Variants in LYSMD1 observed in about 807,000 individuals in gnomAD.
The protein encoded by LYSMD1 is lysM and putative peptidoglycan-binding domain-containing protein 1.
In LYSMD1, 9 loss-of-function variants were observed where a neutral mutation model predicts 19.3. The observed-to-expected ratio is 0.47, with a 90% CI of 0.28 to 0.81. The LOEUF is 0.81. LYSMD1 is among the 40% of genes least tolerant of loss of function. The pLI, the probability that LYSMD1 is intolerant of heterozygous loss-of-function variation, is 0.11. For missense variants in LYSMD1, 262 were observed against 279.8 expected (o/e 0.94, Z 0.45); for synonymous variants, 111 against 111.7 (o/e 0.99, Z 0.04).
In LYSMD1 at chr1:151,160,645, A is replaced by T. The variant is rs2101686263; in HGVS notation, c.*237T>A. 2.6e-6 allele frequency: 1 copy of T among 387,488 alleles called. No individual in the cohort carries two copies. The highest frequency in any genetic ancestry group is 4.7e-6 in the Non-Finnish European group (1 of 211,594). 24.0% of individuals were successfully genotyped at this position (387,488 alleles called of 1,614,324 possible). A position where few individuals can be genotyped will look rare whatever the true frequency, so the allele number is the denominator to read the frequency against. On this transcript the variant is annotated 3_prime_UTR_variant, in exon 3 of 3. Coordinates refer to ENST00000368908, the MANE Select transcript of LYSMD1 (RefSeq NM_212551.5). ...ATATAAAAAGAGCCTTTTGAGTCTA[A>T]AGGACTCAACTCTAGATTCAGCCCA... is the stretch of plus-strand genomic sequence containing the variant.
the LYSMD1 span, among the ~76,000 whole-genome samples, chr1:151,152,352 G>A: frequency 3.4e-3 from 438 of 130,384 alleles, no homozygotes; most frequent in Middle Eastern, 0.062. Flanking sequence ...AGCCGAGATC[G>A]TGCCACTGCA....
the LYSMD1 span, among the ~76,000 whole-genome samples, chr1:151,151,907 C>G: frequency 7.0e-6 from 1 of 143,298 alleles, no homozygotes. Flanking sequence ...CTGGCCTGAG[C>G]AACAAGAGCG....
chr1:151,149,351 C>T, the LYSMD1 span, among the ~76,000 whole-genome samples: 3 of 151,988 alleles, frequency 2.0e-5, no homozygotes, highest in South Asian at 2.1e-4. Context: ...GAGCCAAGAT[C>T]GTGCCACTGC....
the LYSMD1 span, among the ~76,000 whole-genome samples, chr1:151,149,485 C>A: frequency 6.6e-6 from 1 of 152,170 alleles, no homozygotes; most frequent in Non-Finnish European, 1.5e-5. Flanking sequence ...CGCAGTGACT[C>A]AGGCCTGTAA....
chr1:151,151,363 T>A, the LYSMD1 span, among the ~76,000 whole-genome samples: 2 of 151,312 alleles, frequency 1.3e-5, no homozygotes, highest in Admixed American at 6.6e-5. Flanking sequence ...CTAATTTTTT[T>A]TTTTTTTTTG....
chr1:151,159,985 A>C lies in LYSMD1; in HGVS notation c.*897T>G, dbSNP rs1033072503. On this transcript the variant is annotated 3_prime_UTR_variant, in exon 3 of 3. Coordinates refer to ENST00000368908, the MANE Select transcript of LYSMD1 (RefSeq NM_212551.5). ...ATATGCAGTGAGGAGGAAGGCATAG[A>C]GAGAGAGGGTCTGGAGGGGAGGGGG... is the stretch of plus-strand genomic sequence containing the variant. The C allele has an allele frequency of 6.5e-6, 1 of 154,104 alleles. No homozygotes were observed. Among genetic ancestry groups the C allele is most frequent in the Admixed American group, 6.6e-5 (1 of 15,198 alleles). 9.5% of individuals were successfully genotyped at this position (154,104 alleles called of 1,614,324 possible). A position where few individuals can be genotyped will look rare whatever the true frequency, so the allele number is the denominator to read the frequency against.
Position 151,161,944 on chromosome 1 carries a change from T to C in LYSMD1, c.337A>G (p.Asn113Asp). 1.9e-6 allele frequency: 3 copies of C among 1,614,166 alleles called. No homozygotes were observed. The South Asian group carries it at 3.3e-5, about 18-fold the overall frequency. ...KDGEEKVHPS[N>D]SEVWPHSTER... ...GTTGAGTGTGGCCAAACTTCACTGT[T>C]ACTTGGGTGTACTTTTTCCTCTCCA... is the stretch of plus-strand genomic sequence containing the variant. Residue 113 changes from asparagine (N) to aspartate (D), a missense_variant, in exon 2 of 3, where the codon AAC becomes GAC. Asn to Asp is a conservative substitution (Grantham distance 23). Transcript: ENST00000368908.
Position 151,165,617 on chromosome 1 carries a change from G to T in LYSMD1, c.-359C>A. ...TTGCCCCCAAGTAGCCTGGCCTCAGGGCGCTCCAACATCCCAGCTCTCCCC... is the reference window on the plus strand; with the variant it reads ...TTGCCCCCAAGTAGCCTGGCCTCAGTGCGCTCCAACATCCCAGCTCTCCCC... On this transcript the variant is annotated 5_prime_UTR_variant, in exon 1 of 3. Transcript: ENST00000368908. 2 of 1,532,750 alleles carry T rather than the reference G, an allele frequency of 1.3e-6. No homozygotes were observed. Among genetic ancestry groups the T allele is most frequent in the Non-Finnish European group, 8.8e-7 (1 of 1,141,188 alleles). The allele number at this position is 1,532,750 out of a possible 1,614,324, so 94.9% of individuals were successfully genotyped here. A position where few individuals can be genotyped will look rare whatever the true frequency, so the allele number is the denominator to read the frequency against.
the LYSMD1 span, among the ~76,000 whole-genome samples, chr1:151,152,994 T>C: frequency 1.3e-5 from 2 of 152,322 alleles, no homozygotes; most frequent in East Asian, 1.9e-4. Flanking sequence ...TCCTGTAGAT[T>C]ATACAGTGGA....
chr1:151,165,728 G>A lies in LYSMD1; in HGVS notation c.-470C>T. The A allele has an allele frequency of 6.4e-7, 1 of 1,551,730 alleles. No individual in the cohort carries two copies. The highest frequency in any genetic ancestry group is 8.7e-7 in the Non-Finnish European group (1 of 1,146,998). ...GCCGCAGACGAAGAGCGTGAGGATT[G>A]CAAGAATTTGTAGTACACCTTCCAC... is the stretch of plus-strand genomic sequence containing the variant. On this transcript the variant is annotated 5_prime_UTR_variant, in exon 1 of 3. It introduces an in-frame stop codon into an upstream open reading frame of the 5' UTR. Coordinates refer to ENST00000368908, the MANE Select transcript of LYSMD1 (RefSeq NM_212551.5).
At position 151,165,328 on chromosome 1, in the gene LYSMD1, G is replaced by T. The variant is rs1025097007; in HGVS notation, c.-70C>A. 4.8e-5 allele frequency: 74 copies of T among 1,555,252 alleles called. No homozygotes were observed. In the African/African-American group the frequency reaches 9.2e-4, roughly 19 times the overall value. On this transcript the variant is annotated 5_prime_UTR_variant, in exon 1 of 3. Transcript: ENST00000368908. ...GACCGAGACTGCGACTGACAGGCCTGAAGTCTGGGAATGAATATTCAGGGG... is the reference window on the plus strand; with the variant it reads ...GACCGAGACTGCGACTGACAGGCCTTAAGTCTGGGAATGAATATTCAGGGG...
downstream of LYSMD1, among the ~76,000 whole-genome samples, chr1:151,155,905 C>T (rs978382772): frequency 1.3e-5 from 2 of 151,742 alleles, no homozygotes; most frequent in Admixed American, 6.6e-5. Context: ...GAGTTCAAGA[C>T]GATCCTGGCC....
Position 151,165,440 on chromosome 1 carries a change from C to G in LYSMD1, c.-182G>C. ...CCTCCCGGTTTCTCCTCCCTCCAAG[C>G]TACTTATCCACAAATCTGTCCCTTG... On this transcript the variant is annotated 5_prime_UTR_variant, in exon 1 of 3. Coordinates refer to ENST00000368908, the MANE Select transcript of LYSMD1 (RefSeq NM_212551.5). The G allele has an allele frequency of 7.0e-7, 1 of 1,435,210 alleles. No homozygotes were observed. Among genetic ancestry groups the G allele is most frequent in the Non-Finnish European group, 9.1e-7 (1 of 1,099,924 alleles). 88.9% of individuals were successfully genotyped at this position (1,435,210 alleles called of 1,614,324 possible).
the LYSMD1 span, among the ~76,000 whole-genome samples, chr1:151,149,619 T>C: frequency 0.042 from 6,377 of 151,858 alleles, 468 homozygotes; most frequent in African/African-American, 0.15. Flanking sequence ...GGCGTGGCGG[T>C]GTGCGCCTGT....
downstream of LYSMD1, among the ~76,000 whole-genome samples, chr1:151,157,986 C>G (rs746121848): frequency 6.6e-6 from 1 of 152,162 alleles, no homozygotes; most frequent in Non-Finnish European, 1.5e-5. Context: ...ATCTATGCCA[C>G]ACAGACATAT....
chr1:151,153,416 A>G, the LYSMD1 span, among the ~76,000 whole-genome samples: 1 of 152,106 alleles, frequency 6.6e-6, no homozygotes, highest in Non-Finnish European at 1.5e-5. Context: ...GCACTTTGGG[A>G]GGTCGAGGTG....
At chr1:151,152,574 C>T in the LYSMD1 span, among the ~76,000 whole-genome samples, 1 of 150,962 alleles carries the variant, frequency 6.6e-6, no homozygotes, top group Non-Finnish European at 1.5e-5. Context: ...GGGGTGCGCG[C>T]CTGTAATCCC....
chr1:151,161,168 C>T (rs1443137048), intron 2 of LYSMD1, 148 bp from the exon 3 acceptor site: 5 of 761,634 alleles, frequency 6.6e-6, no homozygotes, highest in Non-Finnish European at 2.1e-6. Flanking sequence ...AATCCTAACC[C>T]TAATGCTCCT....
rs761955171 is a variant in LYSMD1, at chr1:151,161,967, C to T, written c.314G>A (p.Gly105Glu). Residue 105 changes from glycine (G) to glutamate (E), a missense_variant, in exon 2 of 3, where the codon GGA becomes GAA. Coordinates refer to ENST00000368908, the MANE Select transcript of LYSMD1 (RefSeq NM_212551.5). ...NGLDSEEEKD[G>E]EEKVHPSNSE... ...GTTACTTGGGTGTACTTTTTCCTCT[C>T]CATCTTTCTCTTCCTCAGAGTCCAA... The T allele has an allele frequency of 1.4e-5, 22 of 1,613,980 alleles. No homozygotes were observed. The highest frequency in any genetic ancestry group is 1.8e-5 in the Non-Finnish European group (21 of 1,180,036).
Sources: allele counts gnomAD v4.1 joint callset (sites outside exome capture counted in the v4.1 genomes callset), GRCh38; gene constraint gnomAD v4.1.1; transcripts MANE v1.5; gene names NCBI Gene and HGNC (gene_info 2026-07-23, HGNC 2026-07-21).